Variants in FKTN observed in about 807,000 individuals in gnomAD.
FKTN encodes fukutin.
FKTN carries 47 observed loss-of-function variants against 58.6 expected under a neutral mutation model. The ratio of observed to expected loss-of-function variants is 0.80; its 90% confidence interval spans 0.63 to 1.02. The LOEUF is 1.02. Ranked by LOEUF, FKTN falls within the 50% of genes least tolerant of loss-of-function variation. FKTN has a pLI of 0.00. For missense variants in FKTN, 516 were observed against 537.3 expected (o/e 0.96, Z 0.39); for synonymous variants, 178 against 191.9 (o/e 0.93, Z 0.60).
At chr9:105,567,711 A>G (rs1733660335) in intron 1 of FKTN, among the ~76,000 whole-genome samples, 1 of 152,212 alleles carries the variant, frequency 6.6e-6, no homozygotes, top group Non-Finnish European at 1.5e-5. Flanking sequence ...AAATGGCCAT[A>G]CTGCCCAAGG....
In FKTN at chr9:105,601,142, C is replaced by G; in HGVS notation, c.166-3C>G. The G allele has an allele frequency of 6.4e-7, 1 of 1,554,608 alleles. No homozygotes were observed. Among genetic ancestry groups the G allele is most frequent in the South Asian group, 1.1e-5 (1 of 89,372 alleles). On this transcript the variant is annotated splice_polypyrimidine_tract_variant and splice_region_variant and intron_variant, in intron 4 of 10. Coordinates refer to ENST00000357998, the MANE Select transcript of FKTN (RefSeq NM_001079802.2). Reference sequence around the variant, plus strand: ...TTACGAGAATTCTTTTTCTCTCAAACAGCGTGCAGTTAAAAAATTTATTAT... The same window carrying G: ...TTACGAGAATTCTTTTTCTCTCAAAGAGCGTGCAGTTAAAAAATTTATTAT...
chr9:105,567,356 T>C (rs1303169940), intron 1 of FKTN, among the ~76,000 whole-genome samples: 1 of 152,168 alleles, frequency 6.6e-6, no homozygotes, highest in African/African-American at 2.4e-5. Context: ...GGAAGTCAAA[T>C]TGTCCCTGTT....
chr9:105,581,688 GC>G (rs1053835257), intron 3 of FKTN, among the ~76,000 whole-genome samples: 38 of 152,338 alleles, frequency 2.5e-4, no homozygotes, highest in African/African-American at 9.1e-4. Flanking sequence ...ACTGTGGTGG[GC>G]TCCATGCAGT....
At chr9:105,579,621 G>C (rs1212431959) in intron 3 of FKTN, among the ~76,000 whole-genome samples, 3 of 148,802 alleles carry the variant, frequency 2.0e-5, no homozygotes. Context: ...GTGGTGTGGT[G>C]CTGAAAAAAA....
intron 1 of FKTN, among the ~76,000 whole-genome samples, chr9:105,564,447 C>A (rs1838967790): frequency 6.6e-6 from 1 of 152,154 alleles, no homozygotes; most frequent in African/African-American, 2.4e-5. Context: ...GCAGAGAAGT[C>A]CTTAAAGGAC....
At chr9:105,607,515 C>T (rs1200306731) in intron 6 of FKTN, among the ~76,000 whole-genome samples, 3 of 151,858 alleles carry the variant, frequency 2.0e-5, no homozygotes, top group Non-Finnish European at 4.4e-5. Context: ...TGAAACTATG[C>T]TTGATGTTTA....
chr9:105,630,850 T>A (rs1315926490), intron 10 of FKTN, among the ~76,000 whole-genome samples: 3 of 152,092 alleles, frequency 2.0e-5, no homozygotes. Flanking sequence ...AAAAGGAATC[T>A]AGGCTGGGCA....
In FKTN at chr9:105,636,814, T is replaced by C. The variant is rs1432200334; in HGVS notation, c.*1550T>C. The C allele has an allele frequency of 8.2e-7, 1 of 1,219,636 alleles. No homozygotes were observed. The highest frequency in any genetic ancestry group is 1.1e-6 in the Non-Finnish European group (1 of 936,820). The allele number at this position is 1,219,636 out of a possible 1,614,324, so 75.6% of individuals were successfully genotyped here. On this transcript the variant is annotated 3_prime_UTR_variant, in exon 11 of 11. Coordinates refer to ENST00000357998, the MANE Select transcript of FKTN (RefSeq NM_001079802.2). ...GTCTGAGGGAATGGGCTGGTAGACT[T>C]TTTCGAAAACAAATTAGAGAAAGTA...
chr9:105,567,032 C>T (rs1839774710), intron 1 of FKTN, among the ~76,000 whole-genome samples: 1 of 152,064 alleles, frequency 6.6e-6, no homozygotes, highest in African/African-American at 2.4e-5. Flanking sequence ...TAAACAGAAC[C>T]AACAACAAAA....
chr9:105,583,878 A>AT (rs201999789), intron 3 of FKTN, among the ~76,000 whole-genome samples: 1,542 of 152,256 alleles, frequency 0.01, 20 homozygotes, highest in Non-Finnish European at 0.018. Context: ...TCTAACTTAC[A>AT]TTTTTCCACA....
In FKTN at chr9:105,617,958, G is replaced by A. The variant is rs958678700; in HGVS notation, c.911-1G>A. On this transcript the variant is annotated splice_acceptor_variant, in intron 8 of 10. Transcript: ENST00000357998. LOFTEE classifies it high-confidence loss of function. ...TTAAAAAAATTTAATCTTCTTTTTAGGATGGTATCGACAATGCAACATTAT... is the reference window on the plus strand; with the variant it reads ...TTAAAAAAATTTAATCTTCTTTTTAAGATGGTATCGACAATGCAACATTAT... The A allele has an allele frequency of 3.2e-6, 5 of 1,567,944 alleles. No homozygotes were observed. The highest frequency in any genetic ancestry group is 1.7e-5 in the Admixed American group (1 of 58,826).
chr9:105,601,456 A>G, intron 5 of FKTN, 108 bp downstream of exon 5: 1 of 729,090 alleles, frequency 1.4e-6, no homozygotes, highest in Non-Finnish European at 2.4e-6. Context: ...GAAACACTTT[A>G]TAAATTGTAT....
rs1349245263 is a variant in FKTN at position 105,639,880 on chromosome 9, G to C, written c.*4616G>C. 2.1e-6 allele frequency: 3 copies of C among 1,397,308 alleles called. No homozygotes were observed. Among genetic ancestry groups the C allele is most frequent in the Admixed American group, 5.9e-5 (2 of 33,994 alleles). 86.6% of individuals were successfully genotyped at this position (1,397,308 alleles called of 1,614,324 possible). ...TAGATTTGGTACCTGCTCTCCCCTG[G>C]ACTTCTTTTTCAATATTCTAGCCTT... On this transcript the variant is annotated 3_prime_UTR_variant, in exon 11 of 11. Coordinates refer to ENST00000357998, the MANE Select transcript of FKTN (RefSeq NM_001079802.2).
intron 3 of FKTN, among the ~76,000 whole-genome samples, chr9:105,591,966 A>G (rs1431856659): frequency 2.6e-5 from 4 of 152,232 alleles, no homozygotes; most frequent in African/African-American, 9.6e-5. Flanking sequence ...CATGGCTGGA[A>G]CTAGAGCAGC....
chr9:105,588,344 G>A (rs1036743166), intron 3 of FKTN, among the ~76,000 whole-genome samples: 1 of 152,148 alleles, frequency 6.6e-6, no homozygotes, highest in Non-Finnish European at 1.5e-5. Flanking sequence ...ATATCCCATA[G>A]GCAGTGTGTC....
In FKTN at chr9:105,636,192, G is replaced by T; in HGVS notation, c.*928G>T. 3.4e-6 allele frequency: 3 copies of T among 880,134 alleles called. No individual in the cohort carries two copies. Among genetic ancestry groups the T allele is most frequent in the Non-Finnish European group, 4.1e-6 (3 of 734,378 alleles). 54.5% of individuals were successfully genotyped at this position (880,134 alleles called of 1,614,324 possible). A position where few individuals can be genotyped will look rare whatever the true frequency, so the allele number is the denominator to read the frequency against. On this transcript the variant is annotated 3_prime_UTR_variant, in exon 11 of 11. Coordinates refer to ENST00000357998, the MANE Select transcript of FKTN (RefSeq NM_001079802.2). ...TAATCTGTGCACTCCCAATTTTAAT[G>T]ACACTAAAATATTAATAGAATTTTT...
At chr9:105,608,973 C>T (rs2132935825) in intron 7 of FKTN, among the ~76,000 whole-genome samples, 1 of 152,318 alleles carries the variant, frequency 6.6e-6, no homozygotes. Flanking sequence ...TCTTCCTGTC[C>T]TAAGGGAGTT....
intron 3 of FKTN, among the ~76,000 whole-genome samples, chr9:105,584,967 A>G (rs1210135818): frequency 6.6e-6 from 1 of 152,228 alleles, no homozygotes; most frequent in Non-Finnish European, 1.5e-5. Flanking sequence ...TGCCAAGGCA[A>G]TAGAAACAAT....
In FKTN at chr9:105,638,815, C is replaced by G. The variant is rs981035638; in HGVS notation, c.*3551C>G. On this transcript the variant is annotated 3_prime_UTR_variant, in exon 11 of 11. Coordinates refer to ENST00000357998, the MANE Select transcript of FKTN (RefSeq NM_001079802.2). ...TAGTTAAGAATAGATTGTACTCATT[C>G]CTTTTTGAGTTTGTGACCTCAAACC... 1.0e-6 allele frequency: 1 copy of G among 984,040 alleles called. No individual in the cohort carries two copies. Among genetic ancestry groups the G allele is most frequent in the Admixed American group, 6.2e-5 (1 of 16,222 alleles). 61.0% of individuals were successfully genotyped at this position (984,040 alleles called of 1,614,324 possible). A position where few individuals can be genotyped will look rare whatever the true frequency, so the allele number is the denominator to read the frequency against.
Sources: allele counts gnomAD v4.1 joint callset (sites outside exome capture counted in the v4.1 genomes callset), GRCh38; gene constraint gnomAD v4.1.1; transcripts MANE v1.5; gene names NCBI Gene and HGNC (gene_info 2026-07-23, HGNC 2026-07-21).